KIAA0040: variants seen among roughly 807,000 people sequenced by gnomAD.
The protein encoded by KIAA0040 is uncharacterized protein KIAA0040.
KIAA0040 carries 10 observed loss-of-function variants against 7.2 expected under a neutral mutation model. The ratio of observed to expected loss-of-function variants is 1.38; its 90% confidence interval spans 0.85 to 2.34. KIAA0040 has a LOEUF of 2.34. Ranked by LOEUF, KIAA0040 falls within the 30% of genes most tolerant of loss-of-function variation. KIAA0040 has a pLI of 0.00. For missense variants in KIAA0040, 89 were observed against 108.2 expected (o/e 0.82, Z 0.79); for synonymous variants, 49 against 40.1 (o/e 1.22, Z -0.84).
At position 175,159,401 on chromosome 1, in the gene KIAA0040, G is replaced by A. The variant is rs67332874; in HGVS notation, c.*1313C>T. On this transcript the variant is annotated 3_prime_UTR_variant, in exon 4 of 4. Coordinates refer to ENST00000423313, the MANE Select transcript of KIAA0040 (RefSeq NM_014656.3). Reference sequence around the variant, plus strand: ...TCACTTAGAAGAGAAGATCACTCGGGGAGAACTGGTGAGGTATTACAAGCT... The same window carrying A: ...TCACTTAGAAGAGAAGATCACTCGGAGAGAACTGGTGAGGTATTACAAGCT... The A allele has an allele frequency of 0.4, 61,161 of 151,538 alleles. 12,673 individuals are homozygous for A. The highest frequency in any genetic ancestry group is 0.45 in the Non-Finnish European group (30,634 of 67,678). The allele number at this position is 151,538 out of a possible 1,614,324, so 9.4% of individuals were successfully genotyped here.
intron 2 of KIAA0040, among the ~76,000 whole-genome samples, chr1:175,172,836 T>A (rs1571200128): frequency 6.6e-6 from 1 of 152,244 alleles, no homozygotes; most frequent in Non-Finnish European, 1.5e-5. Flanking sequence ...GTAAATGAGA[T>A]AATGTGTGTG....
chr1:175,172,429 A>G (rs1677027296), intron 2 of KIAA0040, among the ~76,000 whole-genome samples: 1 of 152,252 alleles, frequency 6.6e-6, no homozygotes, highest in South Asian at 2.1e-4. Flanking sequence ...AATTAAAAAA[A>G]TTAGCCAAGT....
At chr1:175,164,359 G>A (rs1356806164) in intron 3 of KIAA0040, among the ~76,000 whole-genome samples, 2 of 152,152 alleles carry the variant, frequency 1.3e-5, no homozygotes, top group African/African-American at 2.4e-5. Context: ...GGGAAGCCTC[G>A]TCCATTCCAG....
At chr1:175,176,692 T>TTTTTTTTTTTG in intron 2 of KIAA0040, among the ~76,000 whole-genome samples, 1 of 136,772 alleles carries the variant, frequency 7.3e-6, no homozygotes. Flanking sequence ...TTTTTTTTTT[T>TTTTTTTTTTTG]TTTTTTTTGC....
chr1:175,184,013 A>C (rs1677551957), intron 1 of KIAA0040, among the ~76,000 whole-genome samples: 1 of 152,204 alleles, frequency 6.6e-6, no homozygotes, highest in Non-Finnish European at 1.5e-5. Context: ...ATGTAAAGCA[A>C]AGCCGCCAGG....
chr1:175,174,346 C>T (rs1007711796), intron 2 of KIAA0040, among the ~76,000 whole-genome samples: 10 of 152,126 alleles, frequency 6.6e-5, no homozygotes, highest in African/African-American at 2.4e-4. Context: ...TATCAAAATG[C>T]CCCTGGGCAC....
In KIAA0040 at chr1:175,160,138, T is replaced by C. The variant is rs1676470586; in HGVS notation, c.*576A>G. On this transcript the variant is annotated 3_prime_UTR_variant, in exon 4 of 4. Coordinates refer to ENST00000423313, the MANE Select transcript of KIAA0040 (RefSeq NM_014656.3). ...AAAAGTTTATGTGTAGAGTTAGAAA[T>C]AGGAAAGCATGCATCTGTAACCTGA... The C allele has an allele frequency of 6.5e-6, 1 of 154,276 alleles. No individual in the cohort carries two copies. Among genetic ancestry groups the C allele is most frequent in the African/African-American group, 2.4e-5 (1 of 41,410 alleles). The allele number at this position is 154,276 out of a possible 1,614,324, so 9.6% of individuals were successfully genotyped here.
At chr1:175,190,569 C>T (rs1340208906) in intron 1 of KIAA0040, among the ~76,000 whole-genome samples, 1 of 152,182 alleles carries the variant, frequency 6.6e-6, no homozygotes, top group African/African-American at 2.4e-5. Flanking sequence ...CCTTCCCCTG[C>T]CTATCCCACT....
intron 2 of KIAA0040, among the ~76,000 whole-genome samples, chr1:175,172,867 T>G (rs1270330206): frequency 6.6e-6 from 1 of 152,228 alleles, no homozygotes; most frequent in Non-Finnish European, 1.5e-5. Flanking sequence ...TGTAAGTATA[T>G]TTCACACAGT....
chr1:175,174,829 A>G (rs935682397), intron 2 of KIAA0040, among the ~76,000 whole-genome samples: 9 of 152,098 alleles, frequency 5.9e-5, no homozygotes, highest in Admixed American at 5.2e-4. Flanking sequence ...ACACATACAT[A>G]CATGATCTGA....
rs781544663 is a variant in KIAA0040 at position 175,166,569 on chromosome 1, C to T, written c.-141G>A. 3 of 152,244 alleles carry T rather than the reference C, an allele frequency of 2.0e-5. No individual in the cohort carries two copies. Among genetic ancestry groups the T allele is most frequent in the African/African-American group, 4.8e-5 (2 of 41,454 alleles). 9.4% of individuals were successfully genotyped at this position (152,244 alleles called of 1,614,324 possible). A position where few individuals can be genotyped will look rare whatever the true frequency, so the allele number is the denominator to read the frequency against. ...ACGGGGGATGAAGTTTACCTCCACACACAGCAGCAAAATGGCCAGCCAGCT... is the reference window on the plus strand; with the variant it reads ...ACGGGGGATGAAGTTTACCTCCACATACAGCAGCAAAATGGCCAGCCAGCT... On this transcript the variant is annotated 5_prime_UTR_variant, in exon 3 of 4. The change creates a new upstream start codon in the 5' untranslated region. Coordinates refer to ENST00000423313, the MANE Select transcript of KIAA0040 (RefSeq NM_014656.3).
rs898197276 is a variant in KIAA0040, at chr1:175,179,036, G to A, written c.-383-1352C>T. ...CTCCTGGGCTGTGTGTGATTACATG[G>A]AGGGCTGGACATTCTGGTGGGGAAA... On this transcript the variant is annotated intron_variant, in intron 1 of 3. Coordinates refer to ENST00000423313, the MANE Select transcript of KIAA0040 (RefSeq NM_014656.3). Among the ~76,000 whole-genome samples, 26 of 152,052 alleles carry A rather than the reference G, an allele frequency of 1.7e-4. 1 individual carries two copies. The highest frequency in any genetic ancestry group is 5.8e-4 in the African/African-American group (24 of 41,392).
At chr1:175,181,213 G>T (rs1300747030) in intron 1 of KIAA0040, among the ~76,000 whole-genome samples, 2 of 151,234 alleles carry the variant, frequency 1.3e-5, no homozygotes, top group African/African-American at 4.9e-5. Context: ...AGTCAACTGA[G>T]TAGAGTATGT....
In KIAA0040 at chr1:175,157,547, A is replaced by C. The variant is rs561362110; in HGVS notation, c.*3167T>G. On this transcript the variant is annotated 3_prime_UTR_variant, in exon 4 of 4. Coordinates refer to ENST00000423313, the MANE Select transcript of KIAA0040 (RefSeq NM_014656.3). ...CTACATCAAGACTTTTCATTTTCAAAGTATTTTATTTAAATAAATTTTTCT... is the reference window on the plus strand; with the variant it reads ...CTACATCAAGACTTTTCATTTTCAACGTATTTTATTTAAATAAATTTTTCT... 1.2e-4 allele frequency: 19 copies of C among 152,348 alleles called. No homozygotes were observed. The highest frequency in any genetic ancestry group is 4.3e-4 in the African/African-American group (18 of 41,582). 9.4% of individuals were successfully genotyped at this position (152,348 alleles called of 1,614,324 possible). A position where few individuals can be genotyped will look rare whatever the true frequency, so the allele number is the denominator to read the frequency against.
At chr1:175,172,950 G>A (rs1677044179) in intron 2 of KIAA0040, among the ~76,000 whole-genome samples, 1 of 152,238 alleles carries the variant, frequency 6.6e-6, no homozygotes, top group African/African-American at 2.4e-5. Flanking sequence ...TGTGTGAAAG[G>A]TGAAAACATC....
At chr1:175,166,272 C>T (rs1344824977) in intron 3 of KIAA0040, among the ~76,000 whole-genome samples, 2 of 152,304 alleles carry the variant, frequency 1.3e-5, no homozygotes, top group South Asian at 2.1e-4. Context: ...AGCTCCTCTG[C>T]CCAGGATCCC....
At chr1:175,170,274 G>A (rs971442257) in intron 2 of KIAA0040, among the ~76,000 whole-genome samples, 1 of 152,158 alleles carries the variant, frequency 6.6e-6, no homozygotes, top group Non-Finnish European at 1.5e-5. Context: ...GGGCACTTGG[G>A]CCCTGTGGGT....
chr1:175,176,319 C>T (rs974686743), intron 2 of KIAA0040: 12 of 152,208 alleles, frequency 7.9e-5, no homozygotes, highest in African/African-American at 2.7e-4. Context: ...AGCTACCTTA[C>T]TGCAATATTA....
Position 175,186,366 on chromosome 1 carries a change from G to C in KIAA0040, c.-384+6274C>G, listed in dbSNP as rs1677659850. Among the ~76,000 whole-genome samples the C allele has an allele frequency of 2.0e-5, 3 of 152,222 alleles. No individual in the cohort carries two copies. The South Asian group carries it at 6.2e-4, about 31-fold the overall frequency. On this transcript the variant is annotated intron_variant, in intron 1 of 3. Coordinates refer to ENST00000423313, the MANE Select transcript of KIAA0040 (RefSeq NM_014656.3). Reference sequence around the variant, plus strand: ...TTCATTAATTCCAATGCCAAGTGTTGAATGACCACATGCCCAGTAGTTTAA... The same window carrying C: ...TTCATTAATTCCAATGCCAAGTGTTCAATGACCACATGCCCAGTAGTTTAA...
Sources: allele counts gnomAD v4.1 joint callset (sites outside exome capture counted in the v4.1 genomes callset), GRCh38; gene constraint gnomAD v4.1.1; transcripts MANE v1.5; gene names NCBI Gene and HGNC (gene_info 2026-07-23, HGNC 2026-07-21).